Variants in SPHKAP observed in about 807,000 individuals in gnomAD.
The protein encoded by SPHKAP is SPHK1 interactor, AKAP domain containing.
Under a neutral mutation model 137.5 loss-of-function variants are expected in SPHKAP, and 67 were observed. The observed-to-expected ratio is 0.49, with a 90% CI of 0.40 to 0.60. The LOEUF is 0.60. Ranked by LOEUF, SPHKAP falls within the 20% of genes least tolerant of loss-of-function variation. The probability of loss-of-function intolerance (pLI) is 0.00; values close to 1 mark genes in which losing one functional copy is unlikely to be tolerated. For missense variants in SPHKAP, 2,097 were observed against 2,069.3 expected (o/e 1.01, Z -0.26); for synonymous variants, 813 against 785.3 (o/e 1.04, Z -0.59).
intron 2 of SPHKAP, among the ~76,000 whole-genome samples, chr2:228,129,863 C>A (rs1377029131): frequency 6.9e-6 from 1 of 145,300 alleles, no homozygotes; most frequent in East Asian, 2.0e-4. Flanking sequence ...ATGGCGTGAT[C>A]TTGGCTCACT....
intron 1 of SPHKAP, among the ~76,000 whole-genome samples, chr2:228,145,835 C>A (rs1699759580): frequency 6.6e-6 from 1 of 152,084 alleles, no homozygotes; most frequent in African/African-American, 2.4e-5. Context: ...CTAAAAAAGA[C>A]TGAGTTTCTG....
intron 7 of SPHKAP, chr2:227,996,211 T>C (rs899909833): frequency 2.7e-6 from 2 of 747,502 alleles, no homozygotes; most frequent in African/African-American, 1.9e-5. Context: ...TATTTTGATA[T>C]GCATGCCTCT....
intron 7 of SPHKAP, among the ~76,000 whole-genome samples, chr2:227,997,821 A>T (rs764438864): frequency 6.6e-6 from 1 of 152,264 alleles, no homozygotes; most frequent in East Asian, 1.9e-4. Context: ...GAGTGTTTGC[A>T]CTTGTTTGTA....
chr2:228,124,518 G>A (rs576942549), intron 2 of SPHKAP, among the ~76,000 whole-genome samples: 2 of 149,362 alleles, frequency 1.3e-5, no homozygotes, highest in Non-Finnish European at 3.0e-5. Context: ...TCACTCATAG[G>A]TGGGAATTGA....
chr2:228,036,579 C>A (rs1209994713), intron 3 of SPHKAP, among the ~76,000 whole-genome samples: 1 of 152,072 alleles, frequency 6.6e-6, no homozygotes, highest in Admixed American at 6.6e-5. Flanking sequence ...AAGACACATG[C>A]ACACGTATGT....
At chr2:228,021,059 G>A (rs890558393) in intron 6 of SPHKAP, among the ~76,000 whole-genome samples, 9 of 152,116 alleles carry the variant, frequency 5.9e-5, no homozygotes, top group African/African-American at 1.9e-4. Flanking sequence ...ACTTGTCCCA[G>A]GGACAGTGGC....
chr2:228,019,043 C>T lies in SPHKAP; in HGVS notation c.1811G>A (p.Gly604Asp), dbSNP rs1694729928. The change falls in exon 7 of 12, where the codon GGT becomes GAT. Residue 604 changes from glycine (G) to aspartate (D), a missense_variant. Physicochemically the swap from Gly to Asp is moderately conservative, Grantham distance 94 (BLOSUM62 -1). Transcript: ENST00000392056. ...EASEAMPPLC[G>D]LASMELGKEA... is the part of the protein sequence containing the mutation. ...CTTGCCAAGCTCCATGCTTGCTAAA[C>T]CACAAAGTGGGGGCATGGCTTCAGA... The T allele has an allele frequency of 1.9e-6, 3 of 1,614,142 alleles. No individual in the cohort carries two copies. The highest frequency in any genetic ancestry group is 2.7e-5 in the African/African-American group (2 of 75,062).
At chr2:228,076,670 A>G (rs1697192981) in intron 3 of SPHKAP, among the ~76,000 whole-genome samples, 1 of 152,196 alleles carries the variant, frequency 6.6e-6, no homozygotes, top group Admixed American at 6.5e-5. Context: ...TGAAGAGGTG[A>G]CTTGGGTACT....
At chr2:228,159,039 G>A (rs756764583) in intron 1 of SPHKAP, among the ~76,000 whole-genome samples, 2 of 152,148 alleles carry the variant, frequency 1.3e-5, no homozygotes, top group Non-Finnish European at 2.9e-5. Flanking sequence ...GAGGGATGAA[G>A]TAATTTACCA....
At chr2:228,113,603 ATCTCTCTCTCTCTCTCTCTC>A (rs139499722) in intron 2 of SPHKAP, among the ~76,000 whole-genome samples, 41 of 97,978 alleles carry the variant, frequency 4.2e-4, no homozygotes, top group East Asian at 1.3e-3. Flanking sequence ...GCATTTAGCC[ATCTCTCTCTCTCTCTCTCTC>A]TCTCTCTCTC....
chr2:228,031,092 G>A (rs1486987936), intron 3 of SPHKAP, among the ~76,000 whole-genome samples: 1 of 152,226 alleles, frequency 6.6e-6, no homozygotes, highest in Admixed American at 6.5e-5. Flanking sequence ...GGAAGAGCAA[G>A]GGGTCAGGGA....
At chr2:228,133,532 G>T (rs1699333354) in intron 1 of SPHKAP, among the ~76,000 whole-genome samples, 1 of 151,994 alleles carries the variant, frequency 6.6e-6, no homozygotes, top group African/African-American at 2.4e-5. Flanking sequence ...TGTACTGATA[G>T]CTTAGGTCTA....
intron 3 of SPHKAP, among the ~76,000 whole-genome samples, chr2:228,063,575 A>G (rs968215338): frequency 1.3e-5 from 2 of 152,196 alleles, no homozygotes; most frequent in Admixed American, 6.5e-5. Context: ...TTGTAACTGG[A>G]CAATATTATG....
chr2:228,072,535 G>A (rs1697036960), intron 3 of SPHKAP, among the ~76,000 whole-genome samples: 2 of 152,072 alleles, frequency 1.3e-5, no homozygotes, highest in African/African-American at 2.4e-5. Flanking sequence ...CTATTGACAC[G>A]TGTCTATCAG....
In SPHKAP at chr2:227,989,738, C is replaced by T. The variant is rs144759499; in HGVS notation, c.4959+1262G>A. 9.3e-3 allele frequency among the ~76,000 whole-genome samples: 1,415 copies of T among 151,354 alleles called. 48 individuals carry two copies. Among genetic ancestry groups the T allele is most frequent in the Admixed American group, 0.06 (914 of 15,188 alleles). On this transcript the variant is annotated intron_variant, in intron 11 of 11. Coordinates refer to ENST00000392056, the MANE Select transcript of SPHKAP (RefSeq NM_001142644.2). ...CTCCTGTCTCAGCCTCCCGAGTAGC[C>T]AGGATTACAGGTGCCTGCCACCATG... is the stretch of plus-strand genomic sequence containing the variant.
chr2:228,051,442 G>T (rs1179307103), intron 3 of SPHKAP, among the ~76,000 whole-genome samples: 1 of 152,176 alleles, frequency 6.6e-6, no homozygotes, highest in African/African-American at 2.4e-5. Flanking sequence ...AAATATGCCT[G>T]TGTGGTGGAC....
rs146157969 is a variant in SPHKAP, at chr2:228,006,126, G to C, written c.4448+10280C>G. Among the ~76,000 whole-genome samples the C allele has an allele frequency of 9.1e-3, 1,391 of 152,270 alleles. 22 individuals carry two copies. Among genetic ancestry groups the C allele is most frequent in the African/African-American group, 0.031 (1,271 of 41,562 alleles). On this transcript the variant is annotated intron_variant, in intron 7 of 11. Transcript: ENST00000392056. ...GGGAAGTTCTCCTGGATAATATTCT[G>C]CAGAGTGTTTTCCAAGTCGGTTCCA...
intron 3 of SPHKAP, among the ~76,000 whole-genome samples, chr2:228,095,235 C>T (rs1356277160): frequency 6.6e-6 from 1 of 152,120 alleles, no homozygotes; most frequent in Non-Finnish European, 1.5e-5. Context: ...CTAACAGGCA[C>T]TTGGGCATCA....
intron 2 of SPHKAP, among the ~76,000 whole-genome samples, chr2:228,115,384 T>C (rs1365681906): frequency 6.6e-6 from 1 of 152,110 alleles, no homozygotes; most frequent in Non-Finnish European, 1.5e-5. Flanking sequence ...GAAAGAAACC[T>C]GACTTCCTGA....
Sources: gnomAD v4.1 joint callset for allele counts (sites outside exome capture counted in the v4.1 genomes callset) on GRCh38, gnomAD v4.1.1 for gene constraint, MANE v1.5 for transcripts, NCBI Gene and HGNC (gene_info 2026-07-23, HGNC 2026-07-21) for gene names.